The following LRP2 variants were observed in gnomAD, a reference collection of about 807,000 sequenced individuals.
LRP2 encodes LDL receptor related protein 2.
LRP2 carries 172 observed loss-of-function variants against 531.0 expected under a neutral mutation model. The observed-to-expected ratio is 0.32, with a 90% CI of 0.29 to 0.37. The LOEUF is 0.37. Among genes scored for constraint, LRP2 ranks in the 10% least tolerant of loss-of-function variants. LRP2 has a pLI of 1.00. For synonymous variants in LRP2, 1,992 were observed against 2,027.6 expected (o/e 0.98, Z 0.47); for missense variants, 5,167 against 5,868.3 (o/e 0.88, Z 3.90).
intron 70 of LRP2, among the ~76,000 whole-genome samples, chr2:169,145,467 G>C (rs1006431917): frequency 1.3e-5 from 2 of 152,184 alleles, no homozygotes; most frequent in African/African-American, 4.8e-5. Flanking sequence ...CTGTGGCCTA[G>C]AAGTACATAT....
intron 17 of LRP2, 55 bp downstream of exon 17, chr2:169,258,970 A>C: frequency 6.7e-7 from 1 of 1,490,940 alleles, no homozygotes; most frequent in Non-Finnish European, 9.4e-7. Flanking sequence ...TCACTTTTCA[A>C]TGACTGTAAA....
chr2:169,282,763 G>T, intron 10 of LRP2, 110 bp downstream of exon 10: 1 of 1,213,226 alleles, frequency 8.2e-7, no homozygotes, highest in Non-Finnish European at 1.2e-6. Context: ...TAATGATAAA[G>T]CCCTGCCAAC....
At chr2:169,327,256 A>T in intron 1 of LRP2, among the ~76,000 whole-genome samples, 1 of 5,822 alleles carries the variant, frequency 1.7e-4, no homozygotes, top group Admixed American at 2.2e-3. Context: ...CACGTCCGGG[A>T]GGGAGGTGGG....
At chr2:169,232,395 A>C (rs1452627337) in intron 30 of LRP2, among the ~76,000 whole-genome samples, 1 of 152,154 alleles carries the variant, frequency 6.6e-6, no homozygotes, top group Non-Finnish European at 1.5e-5. Context: ...ATACATTTTT[A>C]TTACACATAC....
At chr2:169,178,131 GATAAT>G in intron 52 of LRP2, 105 bp from the exon 53 acceptor site, 1 of 848,690 alleles carries the variant, frequency 1.2e-6, no homozygotes, top group Admixed American at 2.0e-5. Context: ...ACCTCCTAGA[GATAAT>G]ATAAGTTCAG....
intron 61 of LRP2, among the ~76,000 whole-genome samples, chr2:169,167,702 C>T (rs1389678825): frequency 6.6e-6 from 1 of 152,044 alleles, no homozygotes; most frequent in Non-Finnish European, 1.5e-5. Context: ...GTGGCACTGA[C>T]ATTCCTAGTC....
At position 169,362,487 on chromosome 2, in the gene LRP2, C is replaced by T; in HGVS notation, c.-88G>A. ...CACCGGCAGCGCCTCTGCTAGCGAA[C>T]GCTCCTTTAGGTCTGCACCTCCGCC... On this transcript the variant is annotated 5_prime_UTR_variant, in exon 1 of 79. Coordinates refer to ENST00000649046, the MANE Select transcript of LRP2 (RefSeq NM_004525.3). 1.6e-6 allele frequency: 2 copies of T among 1,213,000 alleles called. No homozygotes were observed. Among genetic ancestry groups the T allele is most frequent in the South Asian group, 1.3e-5 (1 of 77,362 alleles). 75.1% of individuals were successfully genotyped at this position (1,213,000 alleles called of 1,614,324 possible).
rs541285834 is a variant in LRP2 at position 169,168,160 on chromosome 2, G to A, written c.11635+379C>T. ...CTAAAGGTGCTCCAGGAAGCTCTAGGGGTTTGGAGAGGGTACTTCAGGGGC... is the reference window on the plus strand; with the variant it reads ...CTAAAGGTGCTCCAGGAAGCTCTAGAGGTTTGGAGAGGGTACTTCAGGGGC... On this transcript the variant is annotated intron_variant, in intron 61 of 78. Transcript: ENST00000649046. Among the ~76,000 whole-genome samples, 54 of 150,976 alleles carry A rather than the reference G, an allele frequency of 3.6e-4. No homozygotes were observed. In the South Asian group the frequency reaches 4.2e-3, roughly 12 times the overall value.
chr2:169,294,227 G>A lies in LRP2; in HGVS notation c.573C>T (p.Gly191=), dbSNP rs1254126085. The A allele has an allele frequency of 1.2e-6, 2 of 1,613,366 alleles. No homozygotes were observed. Among genetic ancestry groups the A allele is most frequent in the South Asian group, 1.1e-5 (1 of 91,058 alleles). Residue 191 remains glycine (G), a synonymous_variant, in exon 6 of 79, where the codon GGC becomes GGT. Transcript: ENST00000649046. ...EICLHNEFSC[G]NGECIPRAYV... ...AAGCACGAGGGATACACTCTCCATT[G>A]CCACATGAAAACTCATTGTGCAAGC...
chr2:169,338,389 AAAG>A (rs1685474121), intron 1 of LRP2, among the ~76,000 whole-genome samples: 1 of 127,918 alleles, frequency 7.8e-6, no homozygotes, highest in Non-Finnish European at 1.7e-5. Context: ...AGAAAGAAAG[AAAG>A]AAAGAAAGAA....
chr2:169,244,833 T>C lies in LRP2; in HGVS notation c.3290A>G (p.Asp1097Gly), dbSNP rs373480618. The C allele has an allele frequency of 1.2e-6, 2 of 1,614,134 alleles. No homozygotes were observed. Among genetic ancestry groups the C allele is most frequent in the African/African-American group, 2.7e-5 (2 of 74,948 alleles). The change falls in exon 22 of 79, where the codon GAT (aspartate) becomes GGT (glycine). Residue 1097 changes from aspartate to glycine, a missense_variant. Asp to Gly is a moderately conservative substitution (Grantham distance 94). Coordinates refer to ENST00000649046, the MANE Select transcript of LRP2 (RefSeq NM_004525.3). ...DKRNDCVDGS[D>G]EHNCPTHAPA... is the part of the protein sequence containing the mutation. Reference sequence around the variant, plus strand: ...TGCGTGGGTGGGGCAGTTGTGCTCATCACTGCCATCCACACAGTCGTTGCG... The same window carrying C: ...TGCGTGGGTGGGGCAGTTGTGCTCACCACTGCCATCCACACAGTCGTTGCG...
chr2:169,172,188 A>G (rs1687031439), intron 57 of LRP2, 54 bp from the exon 58 acceptor site: 1 of 1,609,346 alleles, frequency 6.2e-7, no homozygotes, highest in Non-Finnish European at 8.5e-7. Flanking sequence ...GAAATGCACA[A>G]AGTAGTATTG....
intron 44 of LRP2, among the ~76,000 whole-genome samples, chr2:169,200,427 C>T (rs1688166160): frequency 6.6e-6 from 1 of 151,896 alleles, no homozygotes; most frequent in South Asian, 2.1e-4. Flanking sequence ...AGGACTGGGA[C>T]AGGAAATATA....
In LRP2 at chr2:169,171,074, A is replaced by C. The variant is rs377613614; in HGVS notation, c.11264-407T>G. ...CCATGCCCAGCTTGATTTTATCTTA[A>C]TTTTTTCTATTTCGTGAAACTCTAG... is the stretch of plus-strand genomic sequence containing the variant. On this transcript the variant is annotated intron_variant, in intron 58 of 78. Transcript: ENST00000649046. Among the ~76,000 whole-genome samples the C allele has an allele frequency of 2.6e-5, 4 of 151,174 alleles. 1 individual carries two copies.
intron 28 of LRP2, among the ~76,000 whole-genome samples, chr2:169,236,838 A>G (rs867968778): frequency 2.6e-4 from 39 of 152,316 alleles, no homozygotes; most frequent in South Asian, 1.0e-3. Flanking sequence ...ATTATATGAC[A>G]TTTCAAAAAT....
intron 45 of LRP2, among the ~76,000 whole-genome samples, chr2:169,198,545 A>G (rs965932024): frequency 2.6e-5 from 4 of 152,210 alleles, no homozygotes; most frequent in Non-Finnish European, 4.4e-5. Context: ...TGGCTCTCCA[A>G]TAGTAGCAGA....
chr2:169,153,446 G>A lies in LRP2; in HGVS notation c.12296-482C>T, dbSNP rs538052803. 9.2e-5 allele frequency among the ~76,000 whole-genome samples: 14 copies of A among 152,300 alleles called. No homozygotes were observed. In the South Asian group the frequency reaches 2.7e-3, roughly 29 times the overall value. ...GCATAGGAAGACTGTGACTGTAGAG[G>A]GATGCACTGGACACCTGCTGCTTTC... is the stretch of plus-strand genomic sequence containing the variant. On this transcript the variant is annotated intron_variant, in intron 66 of 78. Transcript: ENST00000649046.
At chr2:169,240,900 C>T (rs757342307) in intron 25 of LRP2, 88 bp downstream of exon 25, 32 of 1,521,214 alleles carry the variant, frequency 2.1e-5, no homozygotes, top group Non-Finnish European at 2.9e-5. Flanking sequence ...TCCTACAAAG[C>T]TACACAGTGA....
At chr2:169,196,574 TG>T (rs891122358) in intron 46 of LRP2, among the ~76,000 whole-genome samples, 3 of 152,370 alleles carry the variant, frequency 2.0e-5, no homozygotes, top group Non-Finnish European at 4.4e-5. Flanking sequence ...GACAGCTTTC[TG>T]GGCCAGCACT....
Sources: allele counts gnomAD v4.1 joint callset (sites outside exome capture counted in the v4.1 genomes callset), GRCh38; gene constraint gnomAD v4.1.1; transcripts MANE v1.5; gene names NCBI Gene and HGNC (gene_info 2026-07-23, HGNC 2026-07-21).